MTCL1: variants seen among roughly 807,000 people sequenced by gnomAD.
MTCL1 encodes microtubule crosslinking factor 1.
Under a neutral mutation model 141.4 loss-of-function variants are expected in MTCL1, and 79 were observed. The ratio of observed to expected loss-of-function variants is 0.56; its 90% CI spans 0.47 to 0.67. The LOEUF is 0.67. Among genes scored for constraint, MTCL1 ranks in the 30% least tolerant of loss-of-function variants. MTCL1 has a pLI of 0.00. For synonymous variants in MTCL1, 914 were observed against 875.8 expected (o/e 1.04, Z -0.77); for missense variants, 2,177 against 2,113.9 (o/e 1.03, Z -0.59).
intron 4 of MTCL1, among the ~76,000 whole-genome samples, chr18:8,739,827 G>A (rs1229754862): frequency 6.6e-6 from 1 of 152,186 alleles, no homozygotes; most frequent in African/African-American, 2.4e-5. Flanking sequence ...TGCCTCCCAG[G>A]TTCAAGCAAT....
At chr18:8,718,717 C>T (rs2096147315) in intron 3 of MTCL1, 69 bp downstream of exon 2, 1 of 1,448,318 alleles carries the variant, frequency 6.9e-7, no homozygotes, top group East Asian at 2.3e-5. Context: ...GCACGTTGCC[C>T]TGGTGTTTTT....
chr18:8,831,425 G>T, intron 16 of MTCL1, 182 bp from the exon 15 acceptor site: 2 of 1,421,380 alleles, frequency 1.4e-6, no homozygotes, highest in Non-Finnish European at 1.8e-6. Flanking sequence ...CTGATCATTT[G>T]TGTTGAATTC....
chr18:8,728,752 A>C (rs1233931930), intron 4 of MTCL1, among the ~76,000 whole-genome samples: 2 of 40,226 alleles, frequency 5.0e-5, no homozygotes, highest in Non-Finnish European at 7.5e-5. Flanking sequence ...TTTTTTTGAG[A>C]CGGAGTCTCG....
chr18:8,741,007 C>T (rs2096300134), intron 4 of MTCL1, among the ~76,000 whole-genome samples: 1 of 152,210 alleles, frequency 6.6e-6, no homozygotes, highest in Non-Finnish European at 1.5e-5. Context: ...GTGTTCTTTC[C>T]ACAAAGCAAC....
chr18:8,732,127 G>T (rs921828220), intron 4 of MTCL1, among the ~76,000 whole-genome samples: 1 of 151,546 alleles, frequency 6.6e-6, no homozygotes, highest in African/African-American at 2.4e-5. Flanking sequence ...TTTGAGACAG[G>T]GTCTCGCTCT....
chr18:8,785,809 T>C lies in MTCL1; in HGVS notation c.1732-127T>C, dbSNP rs1160109761. On this transcript the variant is annotated intron_variant, in intron 6 of 16. Transcript: ENST00000359865. ...TGTTCTTTGGTCGTTTTCTCAGTCGTCTCCCTTGTCCATTTTTGTTTTCTT... is the reference window on the plus strand; with the variant it reads ...TGTTCTTTGGTCGTTTTCTCAGTCGCCTCCCTTGTCCATTTTTGTTTTCTT... The C allele has an allele frequency of 1.2e-5, 14 of 1,139,518 alleles. No homozygotes were observed. The East Asian group carries it at 3.3e-4, about 27-fold the overall frequency. 70.6% of individuals were successfully genotyped at this position (1,139,518 alleles called of 1,614,324 possible). A position where few individuals can be genotyped will look rare whatever the true frequency, so the allele number is the denominator to read the frequency against.
intron 7 of MTCL1, chr18:8,789,593 G>A (rs911232835): frequency 1.0e-6 from 1 of 985,318 alleles, no homozygotes; most frequent in African/African-American, 1.7e-5. Context: ...ACACTGACGT[G>A]GGGAGAATGG....
At chr18:8,766,678 A>T (rs1300970310) in intron 4 of MTCL1, among the ~76,000 whole-genome samples, 1 of 152,204 alleles carries the variant, frequency 6.6e-6, no homozygotes, top group Non-Finnish European at 1.5e-5. Flanking sequence ...ACATGAAACC[A>T]TGGCTGTTTT....
intron 4 of MTCL1, among the ~76,000 whole-genome samples, chr18:8,731,873 T>G (rs977880531): frequency 6.6e-6 from 1 of 152,012 alleles, no homozygotes; most frequent in Non-Finnish European, 1.5e-5. Context: ...CACACCTGGC[T>G]AATTTTTGTA....
intron 4 of MTCL1, among the ~76,000 whole-genome samples, chr18:8,728,468 CT>C (rs2096230235): frequency 6.6e-6 from 1 of 152,092 alleles, no homozygotes; most frequent in South Asian, 2.1e-4. Flanking sequence ...GCTAATCTGT[CT>C]TCCTGATGAC....
At chr18:8,786,336 A>T (rs1568036221) in intron 7 of MTCL1, 1 of 687,294 alleles carries the variant, frequency 1.5e-6, no homozygotes, top group Non-Finnish European at 2.7e-6. Context: ...GGCACTGTCC[A>T]CCTCCTGTTT....
Position 8,832,059 on chromosome 18 carries a change from GTA to G in MTCL1, c.*475_*476del, listed in dbSNP as rs1457069899. On this transcript the variant is annotated 3_prime_UTR_variant, in exon 17 of 17. Transcript: ENST00000359865. ...TTTGTCTCCATCTTTTTTACACACA[GTA>G]TATTAAACGAAAAGGTAAATAAGGT... is the stretch of plus-strand genomic sequence containing the variant. The G allele has an allele frequency of 3.7e-5, 20 of 535,512 alleles. No individual in the cohort carries two copies. In the Admixed American group the frequency reaches 5.4e-4, roughly 15 times the overall value. The allele number at this position is 535,512 out of a possible 1,614,324, so 33.2% of individuals were successfully genotyped here.
chr18:8,714,860 G>C (rs553347329), upstream of MTCL1, among the ~76,000 whole-genome samples: 2 of 151,808 alleles, frequency 1.3e-5, no homozygotes, highest in African/African-American at 2.4e-5. Context: ...GCAGTGGCGC[G>C]ATTTCCACTC....
intron 4 of MTCL1, among the ~76,000 whole-genome samples, chr18:8,728,720 C>CCTTT (rs869082248): frequency 3.4e-5 from 2 of 59,038 alleles, no homozygotes; most frequent in African/African-American, 1.3e-4. Context: ...GTTGTCCATT[C>CCTTT]TTTTTTTTTT....
intron 7 of MTCL1, among the ~76,000 whole-genome samples, chr18:8,789,054 C>T (rs1051244140): frequency 6.6e-6 from 1 of 152,202 alleles, no homozygotes; most frequent in Non-Finnish European, 1.5e-5. Flanking sequence ...AGTAGCCATG[C>T]ACGGACGCTG....
rs117249887 is a variant in MTCL1 at position 8,775,060 on chromosome 18, G to A, written c.358-2773G>A. On this transcript the variant is annotated intron_variant, in intron 4 of 16. Transcript: ENST00000359865. ...CATTTGCAGCAGCCCATGATTCTGC[G>A]TAGATTTTGTCTCCAGTTCTAGCTT... 7.2e-4 allele frequency among the ~76,000 whole-genome samples: 110 copies of A among 152,172 alleles called. No individual in the cohort carries two copies. The East Asian group carries it at 0.02, about 28-fold the overall frequency.
chr18:8,722,663 G>A (rs549896277), intron 4 of MTCL1, among the ~76,000 whole-genome samples: 1 of 152,182 alleles, frequency 6.6e-6, no homozygotes, highest in Admixed American at 6.5e-5. Flanking sequence ...TAGTCTTCAC[G>A]TTGAGTAGAT....
At position 8,720,336 on chromosome 18, in the gene MTCL1, A is replaced by G. The variant is rs1307677298; in HGVS notation, c.199-2A>G. On this transcript the variant is annotated splice_acceptor_variant, in intron 3 of 16. Coordinates refer to ENST00000359865, the Ensembl canonical transcript of MTCL1. LOFTEE classifies it high-confidence loss of function. ...GATAATGATCTCTGTGGGTCGATGC[A>G]GGTAGCCAAAGATGTATCTGTCAGA... The G allele has an allele frequency of 1.2e-6, 2 of 1,613,974 alleles. No homozygotes were observed. The highest frequency in any genetic ancestry group is 1.7e-6 in the Non-Finnish European group (2 of 1,179,970).
intron 12 of MTCL1, among the ~76,000 whole-genome samples, chr18:8,815,253 A>C (rs577014565): frequency 6.6e-6 from 1 of 152,002 alleles, no homozygotes; most frequent in East Asian, 1.9e-4. Flanking sequence ...CTGGATTAAG[A>C]AAATGTGGCA....
Sources: gnomAD v4.1 joint callset for allele counts (sites outside exome capture counted in the v4.1 genomes callset) on GRCh38, gnomAD v4.1.1 for gene constraint, MANE v1.5 for transcripts, NCBI Gene and HGNC (gene_info 2026-07-23, HGNC 2026-07-21) for gene names.